ANK1: variants seen among roughly 807,000 people sequenced by gnomAD.
ANK1 encodes the protein ankyrin 1.
In ANK1, 51 loss-of-function variants were observed where a neutral mutation model predicts 210.4. The ratio of observed to expected loss-of-function variants is 0.24; its 90% CI spans 0.19 to 0.31. ANK1 has a LOEUF of 0.31. ANK1 is among the 10% of genes least tolerant of loss of function. The pLI, the probability that ANK1 is intolerant of heterozygous loss-of-function variation, is 1.00. For missense variants in ANK1, 2,051 were observed against 2,504.4 expected (o/e 0.82, Z 3.86); for synonymous variants, 967 against 1,025.9 (o/e 0.94, Z 1.10).
exon 1 of ANK1, chr8:41,896,371 C>G (rs1396703155): frequency 6.3e-7 from 1 of 1,598,522 alleles, no homozygotes; most frequent in Non-Finnish European, 8.5e-7. Context: ...CTTTCGGTCA[C>G]GGGAGCGGTT....
chr8:41,837,375 C>T (rs16890889), intron 1 of ANK1, among the ~76,000 whole-genome samples: 1,647 of 152,240 alleles, frequency 0.011, 43 homozygotes, highest in African/African-American at 0.033. Context: ...TTATTACTTG[C>T]GCTGTGGTCC....
chr8:41,820,549 G>A (rs776720090), intron 1 of ANK1, among the ~76,000 whole-genome samples: 1 of 151,970 alleles, frequency 6.6e-6, no homozygotes, highest in Non-Finnish European at 1.5e-5. Flanking sequence ...GCCTAATTTG[G>A]TACAAAATGT....
At chr8:41,714,114 A>C in intron 16 of ANK1, 42 bp downstream of exon 16, 1 of 1,283,394 alleles carries the variant, frequency 7.8e-7, no homozygotes, top group South Asian at 3.1e-5. Context: ...GTAGCAGGTG[A>C]CCTGCTCTCC....
intron 26 of ANK1, 42 bp from the exon 27 acceptor site, chr8:41,695,373 A>G (rs745504392): frequency 6.2e-7 from 1 of 1,612,322 alleles, no homozygotes; most frequent in Non-Finnish European, 8.5e-7. Context: ...TGCTCATACA[A>G]GGCAGGCAGG....
chr8:41,771,279 C>G (rs974544320), intron 1 of ANK1, among the ~76,000 whole-genome samples: 4 of 152,182 alleles, frequency 2.6e-5, no homozygotes, highest in Non-Finnish European at 4.4e-5. Flanking sequence ...AACATTTGAT[C>G]TGGCATATAG....
At chr8:41,659,766 C>T (rs899464481) in intron 42 of ANK1, among the ~76,000 whole-genome samples, 3 of 151,318 alleles carry the variant, frequency 2.0e-5, no homozygotes, top group South Asian at 2.1e-4. Flanking sequence ...AGTGCTGTCC[C>T]AGAGCCAGGC....
Position 41,795,288 on chromosome 8 carries a change from G to A in ANK1, c.27+2224C>T, listed in dbSNP as rs201215322. 1.0e-3 allele frequency among the ~76,000 whole-genome samples: 152 copies of A among 152,150 alleles called. 2 individuals carry two copies. The East Asian group carries it at 0.028, about 28-fold the overall frequency. ...GGCACTTTGGGAGGCTGAAGCGGGTGGATCACCTGAGGTCAGGAGTTCGAG... is the reference window on the plus strand; with the variant it reads ...GGCACTTTGGGAGGCTGAAGCGGGTAGATCACCTGAGGTCAGGAGTTCGAG... On this transcript the variant is annotated intron_variant, in intron 1 of 42. Coordinates refer to ENST00000289734, the MANE Select transcript of ANK1 (RefSeq NM_000037.4).
intron 1 of ANK1, among the ~76,000 whole-genome samples, chr8:41,764,386 G>A (rs1330372317): frequency 2.6e-5 from 4 of 152,172 alleles, no homozygotes; most frequent in South Asian, 2.1e-4. Context: ...GGCAGGAGGC[G>A]TGTCCAAAGA....
chr8:41,828,696 G>C (rs889528654), intron 1 of ANK1: 3 of 153,546 alleles, frequency 2.0e-5, no homozygotes, highest in Admixed American at 1.3e-4. Context: ...CTGGAGAGGG[G>C]GCGCTCGTAA....
At chr8:41,798,073 G>A (rs1435853612), upstream of ANK1, among the ~76,000 whole-genome samples, 1 of 151,968 alleles carries the variant, frequency 6.6e-6, no homozygotes, top group African/African-American at 2.4e-5. Flanking sequence ...AGGAGGGGGA[G>A]GCTCTGTAGA....
chr8:41,767,298 C>A (rs966453025), intron 1 of ANK1, among the ~76,000 whole-genome samples: 2 of 151,596 alleles, frequency 1.3e-5, no homozygotes, highest in African/African-American at 4.8e-5. Context: ...CCGATCCCCG[C>A]GCCCCGGCCC....
Position 41,701,536 on chromosome 8 carries a change from T to C in ANK1, c.2461+14A>G, listed in dbSNP as rs748499242. 1 of 1,613,920 alleles carries C rather than the reference T, an allele frequency of 6.2e-7. No homozygotes were observed. The highest frequency in any genetic ancestry group is 1.1e-5 in the South Asian group (1 of 91,074). On this transcript the variant is annotated intron_variant, in intron 22 of 42. Coordinates refer to ENST00000289734, the MANE Select transcript of ANK1 (RefSeq NM_000037.4). ...TCTGTCCCCACCAGCCTGAGCTCTT[T>C]ACCCCAACGTTACCTTCATCTTCCG...
chr8:41,847,384 G>A (rs115953261), intron 1 of ANK1, among the ~76,000 whole-genome samples: 24 of 152,320 alleles, frequency 1.6e-4, no homozygotes, highest in African/African-American at 5.8e-4. Context: ...ACATTTCACT[G>A]GCCAGAATCA....
chr8:41,849,626 T>A (rs560274597), intron 1 of ANK1, among the ~76,000 whole-genome samples: 1 of 152,226 alleles, frequency 6.6e-6, no homozygotes, highest in South Asian at 2.1e-4. Context: ...ATGACAATGA[T>A]CCCCTCGGAT....
chr8:41,728,325 A>G (rs949675533), intron 3 of ANK1, among the ~76,000 whole-genome samples: 1 of 152,256 alleles, frequency 6.6e-6, no homozygotes, highest in Non-Finnish European at 1.5e-5. Flanking sequence ...AGAAGCAGAA[A>G]GTCAAATACT....
rs1804835414 is a variant in ANK1, at chr8:41,653,840, G to A, written c.*1950C>T. 6.6e-6 allele frequency: 1 copy of A among 152,190 alleles called. No individual in the cohort carries two copies. The highest frequency in any genetic ancestry group is 2.4e-5 in the African/African-American group (1 of 41,450). The allele number at this position is 152,190 out of a possible 1,614,324, so 9.4% of individuals were successfully genotyped here. On this transcript the variant is annotated 3_prime_UTR_variant, in exon 43 of 43. Transcript: ENST00000289734. Reference sequence around the variant, plus strand: ...GCAGCCTCGGGGAAACTCAGGCCCGGAGCTAGAGCTTCCTCTCCCTGCCCG... The same window carrying A: ...GCAGCCTCGGGGAAACTCAGGCCCGAAGCTAGAGCTTCCTCTCCCTGCCCG...
chr8:41,847,383 T>C (rs1244956891), intron 1 of ANK1, among the ~76,000 whole-genome samples: 1 of 152,188 alleles, frequency 6.6e-6, no homozygotes, highest in East Asian at 1.9e-4. Context: ...CACATTTCAC[T>C]GGCCAGAATC....
chr8:41,671,108 G>A (rs929706933), intron 38 of ANK1, among the ~76,000 whole-genome samples: 2 of 152,222 alleles, frequency 1.3e-5, no homozygotes, highest in African/African-American at 2.4e-5. Context: ...GACTTGCAGT[G>A]TCTGGGAAAT....
chr8:41,673,099 G>T lies in ANK1; in HGVS notation c.4538-187C>A, dbSNP rs74870111. On this transcript the variant is annotated intron_variant, in intron 37 of 42. Transcript: ENST00000289734. ...TGCTCAGGCCTTGTGGCTGCTGCCT[G>T]GGCATCCAGGCAAGAGAAGCAAGGC... 9.0e-3 allele frequency among the ~76,000 whole-genome samples: 1,371 copies of T among 152,312 alleles called. 21 individuals are homozygous for T. Among genetic ancestry groups the T allele is most frequent in the African/African-American group, 0.032 (1,312 of 41,568 alleles).
Sources: gnomAD v4.1 joint callset for allele counts (sites outside exome capture counted in the v4.1 genomes callset) on GRCh38, gnomAD v4.1.1 for gene constraint, MANE v1.5 for transcripts, NCBI Gene and HGNC (gene_info 2026-07-23, HGNC 2026-07-21) for gene names.